CD300LB: variants seen among roughly 807,000 people sequenced by gnomAD.
CD300LB encodes CD300 molecule like family member b, also known as CMRF35-like molecule 7.
A neutral mutation model predicts 20.8 loss-of-function variants in CD300LB; 18 were observed. The observed-to-expected ratio is 0.87, with a 90% CI of 0.60 to 1.28. The LOEUF is 1.28. Ranked by LOEUF, CD300LB falls within the 50% of genes most tolerant of loss-of-function variation. The probability of loss-of-function intolerance (pLI) is 0.00; values close to 1 mark genes in which losing one functional copy is unlikely to be tolerated. For synonymous variants in CD300LB, 91 were observed against 91.3 expected, an observed-to-expected ratio of 1.00 and a Z score of 0.02; for missense variants, 222 against 251.8, an observed-to-expected ratio of 0.88 and a Z score of 0.80.
chr17:74,529,891 G>T (rs1206208251), intron 1 of CD300LB, among the ~76,000 whole-genome samples: 2 of 152,230 alleles, frequency 1.3e-5, no homozygotes, highest in Non-Finnish European at 2.9e-5. Context: ...ATTGAACAAA[G>T]TGTCATCAAT....
At chr17:74,524,891 A>G (rs1415374274) in intron 2 of CD300LB, among the ~76,000 whole-genome samples, 1 of 152,206 alleles carries the variant, frequency 6.6e-6, no homozygotes, top group East Asian at 1.9e-4. Flanking sequence ...GCCCTGGGGA[A>G]GTCTTGCTTG....
In CD300LB at chr17:74,523,623, T is replaced by C; in HGVS notation, c.399A>G (p.Ser133=). ...PEGAASTTAS[S]PTNSNMAVFI... Reference sequence around the variant, plus strand: ...ACACTGCCATATTGCTGTTGGTAGGTGAGCTTGCTGTTGTGGAAGCCGCTC... The same window carrying C: ...ACACTGCCATATTGCTGTTGGTAGGCGAGCTTGCTGTTGTGGAAGCCGCTC... Residue 133 remains serine (S), a synonymous_variant, in exon 3 of 4, where the codon TCA becomes TCG. Transcript: ENST00000392621. 1 of 1,613,742 alleles carries C rather than the reference T, an allele frequency of 6.2e-7. No homozygotes were observed. Among genetic ancestry groups the C allele is most frequent in the Non-Finnish European group, 8.5e-7 (1 of 1,179,654 alleles).
intron 2 of CD300LB, among the ~76,000 whole-genome samples, chr17:74,524,538 A>G (rs950146068): frequency 6.6e-6 from 1 of 152,174 alleles, no homozygotes; most frequent in African/African-American, 2.4e-5. Context: ...CAGTGAGTCA[A>G]GTTCACCCCA....
chr17:74,521,251 C>T lies in CD300LB; in HGVS notation c.*1487G>A. 6.0e-6 allele frequency: 3 copies of T among 496,652 alleles called. No individual in the cohort carries two copies. Among genetic ancestry groups the T allele is most frequent in the South Asian group, 1.7e-4 (2 of 11,598 alleles). 30.8% of individuals were successfully genotyped at this position (496,652 alleles called of 1,614,324 possible). A position where few individuals can be genotyped will look rare whatever the true frequency, so the allele number is the denominator to read the frequency against. On this transcript the variant is annotated 3_prime_UTR_variant, in exon 4 of 4. Transcript: ENST00000392621. The stretch of plus-strand genomic sequence containing the variant: ...AAGAATGACATCACGTTGACAAGCG[C>T]CCATGTCCCCTCGCCCCTGAGTCCA...
rs183374035 is a variant in CD300LB at position 74,522,332 on chromosome 17, C to T, written c.*406G>A. On this transcript the variant is annotated 3_prime_UTR_variant, in exon 4 of 4. Coordinates refer to ENST00000392621, the MANE Select transcript of CD300LB (RefSeq NM_174892.4). ...AAAAAATTTAAAAACACGGATATATCAGGTTCTCAGGCAAAGACGGTGTTG... is the reference window on the plus strand; with the variant it reads ...AAAAAATTTAAAAACACGGATATATTAGGTTCTCAGGCAAAGACGGTGTTG... 1.3e-5 allele frequency: 13 copies of T among 993,804 alleles called. No homozygotes were observed. The East Asian group carries it at 9.8e-4, about 75-fold the overall frequency. The allele number at this position is 993,804 out of a possible 1,614,324, so 61.6% of individuals were successfully genotyped here. A position where few individuals can be genotyped will look rare whatever the true frequency, so the allele number is the denominator to read the frequency against.
chr17:74,529,301 C>T (rs1301231645), intron 1 of CD300LB, among the ~76,000 whole-genome samples: 1 of 152,060 alleles, frequency 6.6e-6, no homozygotes, highest in Non-Finnish European at 1.5e-5. Context: ...GCAGCATCCT[C>T]CCCAACTCTC....
Position 74,522,757 on chromosome 17 carries a change from G to C in CD300LB, c.587C>G (p.Thr196Ser). The change falls in exon 4 of 4, where the codon ACT becomes AGT. Residue 196 changes from threonine to serine, a missense_variant. Physicochemically the swap from Thr to Ser is moderately conservative, Grantham distance 58 (BLOSUM62 1). Coordinates refer to ENST00000392621, the MANE Select transcript of CD300LB (RefSeq NM_174892.4). ...ATCTCTCTAAGTGGCCATGTCTTTA[G>C]TCAGAGGTTCGGAGAAGTTCATGTA... ...PIYMNFSEPL[T>S]KDMAT is the part of the protein sequence containing the mutation. 1 of 1,614,204 alleles carries C rather than the reference G, an allele frequency of 6.2e-7. No homozygotes were observed. Among genetic ancestry groups the C allele is most frequent in the Non-Finnish European group, 8.5e-7 (1 of 1,180,012 alleles).
chr17:74,529,373 T>C (rs1031285505), intron 1 of CD300LB, among the ~76,000 whole-genome samples: 1 of 152,018 alleles, frequency 6.6e-6, no homozygotes, highest in African/African-American at 2.4e-5. Context: ...CATATCCAAC[T>C]CGCCACCCCC....
chr17:74,522,959 TC>T, intron 3 of CD300LB, 59 bp from the exon 4 acceptor site: 1 of 1,521,402 alleles, frequency 6.6e-7, no homozygotes, highest in Non-Finnish European at 9.0e-7. Flanking sequence ...GTCACTCCCA[TC>T]CCCTGACCCT....
chr17:74,526,667 C>T (rs1024183798), intron 1 of CD300LB, among the ~76,000 whole-genome samples: 3 of 152,062 alleles, frequency 2.0e-5, no homozygotes, highest in Non-Finnish European at 4.4e-5. Context: ...GAGCTGAGAT[C>T]GCACCACTGC....
Position 74,525,616 on chromosome 17 carries a change from T to C in CD300LB, c.370+132A>G, listed in dbSNP as rs1908005027. Reference sequence around the variant, plus strand: ...CAGTCAGTTTGTCTGCCTGTCTGTCTGTCTGTCTCTCTCTCTCTCTCTCTT... The same window carrying C: ...CAGTCAGTTTGTCTGCCTGTCTGTCCGTCTGTCTCTCTCTCTCTCTCTCTT... On this transcript the variant is annotated intron_variant, in intron 2 of 3. Coordinates refer to ENST00000392621, the MANE Select transcript of CD300LB (RefSeq NM_174892.4). 4 of 786,958 alleles carry C rather than the reference T, an allele frequency of 5.1e-6. No homozygotes were observed. In the Admixed American group the frequency reaches 1.0e-4, roughly 20 times the overall value. The allele number at this position is 786,958 out of a possible 1,614,324, so 48.7% of individuals were successfully genotyped here.
At chr17:74,523,184 T>C in intron 3 of CD300LB, 1 of 515,568 alleles carries the variant, frequency 1.9e-6, no homozygotes, top group Non-Finnish European at 3.5e-6. Context: ...GGTCACCAAA[T>C]ACAGGTTGTG....
At chr17:74,531,146 T>C (rs1266991525) in intron 1 of CD300LB, among the ~76,000 whole-genome samples, 165 bp downstream of exon 1, 1 of 152,208 alleles carries the variant, frequency 6.6e-6, no homozygotes, top group Non-Finnish European at 1.5e-5. Flanking sequence ...TCTTTTTTCT[T>C]GATGTCCTCA....
chr17:74,525,452 G>A (rs1908000341), intron 2 of CD300LB, among the ~76,000 whole-genome samples: 2 of 152,060 alleles, frequency 1.3e-5, no homozygotes, highest in African/African-American at 4.8e-5. Flanking sequence ...GCAGGGCTGG[G>A]CCACCAGTCA....
chr17:74,524,888 G>A (rs776725634), intron 2 of CD300LB, among the ~76,000 whole-genome samples: 1 of 152,184 alleles, frequency 6.6e-6, no homozygotes, highest in Non-Finnish European at 1.5e-5. Context: ...GCAGCCCTGG[G>A]GAAGTCTTGC....
chr17:74,525,659 C>T, intron 2 of CD300LB, 89 bp downstream of exon 2: 1 of 1,104,580 alleles, frequency 9.1e-7, no homozygotes, highest in South Asian at 1.4e-5. Flanking sequence ...CCATCATTCC[C>T]TTTCAGCCTT....
At chr17:74,526,411 G>GA (rs576684861) in intron 1 of CD300LB, among the ~76,000 whole-genome samples, 4 of 152,114 alleles carry the variant, frequency 2.6e-5, no homozygotes, top group African/African-American at 4.8e-5. Flanking sequence ...CCCTCTGGGG[G>GA]AAAAAATCTC....
At chr17:74,529,034 G>T (rs915239823) in intron 1 of CD300LB, among the ~76,000 whole-genome samples, 3 of 152,190 alleles carry the variant, frequency 2.0e-5, no homozygotes, top group African/African-American at 7.2e-5. Context: ...GGGGGCTGAG[G>T]TGGGAGGATC....
Position 74,525,902 on chromosome 17 carries a change from C to G in CD300LB, c.216G>C (p.Lys72Asn). ...IETRGSEQGEKSDRVSIKDNQ... is the reference protein window; with the variant it reads ...IETRGSEQGENSDRVSIKDNQ... ...TGTCCTTGATGGACACACGGTCACT[C>G]TTCTCTCCTTGCTCCGACCCTCTGG... The change falls in exon 2 of 4, where the codon AAG (lysine) becomes AAC (asparagine). Residue 72 changes from lysine to asparagine, a missense_variant. Lys to Asn is a moderately conservative substitution (Grantham distance 94, BLOSUM62 0). Transcript: ENST00000392621. 3 of 1,614,146 alleles carry G rather than the reference C, an allele frequency of 1.9e-6. No homozygotes were observed. The highest frequency in any genetic ancestry group is 2.5e-6 in the Non-Finnish European group (3 of 1,180,034).
Sources: allele counts gnomAD v4.1 joint callset (sites outside exome capture counted in the v4.1 genomes callset), GRCh38; gene constraint gnomAD v4.1.1; transcripts MANE v1.5; gene names NCBI Gene and HGNC (gene_info 2026-07-23, HGNC 2026-07-21).